Variants in SMIM24 observed in about 807,000 individuals in gnomAD.
SMIM24 encodes small integral membrane protein 24.
SMIM24 carries 6 observed loss-of-function variants against 10.8 expected under a neutral mutation model. The ratio of observed to expected loss-of-function variants is 0.55; its 90% CI spans 0.30 to 1.09. The LOEUF is 1.09. Among genes scored for constraint, SMIM24 ranks in the 50% least tolerant of loss-of-function variants. The probability of loss-of-function intolerance (pLI) is 0.06; values close to 1 mark genes in which losing one functional copy is unlikely to be tolerated. For synonymous variants in SMIM24, 71 were observed against 62.4 expected (o/e 1.14, Z -0.65); for missense variants, 151 against 153.4 (o/e 0.98, Z 0.08).
intron 3 of SMIM24, among the ~76,000 whole-genome samples, chr19:3,477,126 CAT>C (rs2082795715): frequency 1.7e-5 from 1 of 60,558 alleles, no homozygotes; most frequent in African/African-American, 6.1e-5. Context: ...ATGGATGGAT[CAT>C]GGATGGTCGG....
chr19:3,477,090 T>TGATGGATG (rs371713691), intron 3 of SMIM24, among the ~76,000 whole-genome samples: 23,536 of 95,284 alleles, frequency 0.25, 3,418 homozygotes, highest in East Asian at 0.61. Flanking sequence ...AATAGATGGG[T>TGATGGATG]GATGGATGGA....
At position 3,474,390 on chromosome 19, in the gene SMIM24, G is replaced by A. The variant is rs2082784443; in HGVS notation, c.*453C>T. 1 of 160,666 alleles carries A rather than the reference G, an allele frequency of 6.2e-6. No individual in the cohort carries two copies. The highest frequency in any genetic ancestry group is 5.9e-5 in the Admixed American group (1 of 16,866). The allele number at this position is 160,666 out of a possible 1,614,324, so 10.0% of individuals were successfully genotyped here. A position where few individuals can be genotyped will look rare whatever the true frequency, so the allele number is the denominator to read the frequency against. On this transcript the variant is annotated 3_prime_UTR_variant, in exon 4 of 4. Transcript: ENST00000215531. ...CCCAGAGGTAAACTGAGTCCCAAGAGATGACAGGAGCCCTTCCAAAGGGCT... is the reference window on the plus strand; with the variant it reads ...CCCAGAGGTAAACTGAGTCCCAAGAAATGACAGGAGCCCTTCCAAAGGGCT...
intron 3 of SMIM24, among the ~76,000 whole-genome samples, chr19:3,476,738 C>CTGGATGGA (rs35402201): frequency 8.8e-4 from 132 of 150,846 alleles, no homozygotes; most frequent in Middle Eastern, 3.5e-3. Context: ...GCCCCCAGCC[C>CTGGATGGA]TGGATGGATG....
intron 3 of SMIM24, among the ~76,000 whole-genome samples, chr19:3,475,506 A>C (rs745922672): frequency 2.1e-5 from 3 of 142,496 alleles, no homozygotes; most frequent in Non-Finnish European, 1.5e-5. Context: ...GTGGATGGCT[A>C]GGTGGGTGAG....
At chr19:3,478,636 G>A in intron 2 of SMIM24, 158 bp from the exon 3 acceptor site, 1 of 897,002 alleles carries the variant, frequency 1.1e-6, no homozygotes, top group Non-Finnish European at 1.7e-6. Context: ...CTGGCTCGTT[G>A]TCTTGGGGAG....
intron 3 of SMIM24, 51 bp downstream of exon 3, chr19:3,478,368 C>A: frequency 6.7e-7 from 1 of 1,500,142 alleles, no homozygotes; most frequent in Non-Finnish European, 9.0e-7. Flanking sequence ...ACCCATTCCC[C>A]CACCCCGAGG....
rs998155452 is a variant in SMIM24, at chr19:3,480,242, C to T, written c.67+155G>A. On this transcript the variant is annotated intron_variant, in intron 1 of 3. Transcript: ENST00000215531. ...GGGCAGAGCCCAGCGAGAGGGAGGC[C>T]GGGCGGTACTGCGGGGGTTGAGAAG... 3.3e-5 allele frequency among the ~76,000 whole-genome samples: 5 copies of T among 151,110 alleles called. No homozygotes were observed. The East Asian group carries it at 7.8e-4, about 24-fold the overall frequency.
Position 3,474,927 on chromosome 19 carries a change from T to C in SMIM24, c.309A>G (p.Ala103=), listed in dbSNP as rs2082786671. 6.4e-7 allele frequency: 1 copy of C among 1,551,728 alleles called. No individual in the cohort carries two copies. The highest frequency in any genetic ancestry group is 2.4e-5 in the East Asian group (1 of 40,922). ...GTCCCAAGTTGCTCTCTCCTTCCTT[T>C]GCTGTCTTTTTCTCCTTCTTCCTCT... The part of the protein sequence containing the change: ...EEKRKKEKKT[A]KEGESNLGLD... Residue 103 remains alanine (A), a synonymous_variant, in exon 4 of 4, where the codon GCA becomes GCG. Transcript: ENST00000215531.
Position 3,474,663 on chromosome 19 carries a change from G to A in SMIM24, c.*180C>T, listed in dbSNP as rs1304971137. On this transcript the variant is annotated 3_prime_UTR_variant, in exon 4 of 4. Transcript: ENST00000215531. The stretch of plus-strand genomic sequence containing the variant: ...AGGAAGAGGGGTGCATGAAAACCAT[G>A]TTTGCCCAGAGAGCCCCCAATGAGG... 9.9e-6 allele frequency: 7 copies of A among 710,030 alleles called. No homozygotes were observed. The highest frequency in any genetic ancestry group is 1.3e-5 in the Non-Finnish European group (6 of 452,882). 44.0% of individuals were successfully genotyped at this position (710,030 alleles called of 1,614,324 possible). A position where few individuals can be genotyped will look rare whatever the true frequency, so the allele number is the denominator to read the frequency against.
rs2082802534 is a variant in SMIM24, at chr19:3,478,465, C to A, written c.193G>T (p.Glu65Ter). The A allele has an allele frequency of 6.5e-7, 1 of 1,549,170 alleles. No individual in the cohort carries two copies. The highest frequency in any genetic ancestry group is 1.4e-5 in the African/African-American group (1 of 72,998). The change falls in exon 3 of 4, where the codon GAG (glutamate) becomes TAG (stop). Residue 65 changes from glutamate (E) to a stop codon, truncating the protein, a stop_gained. Coordinates refer to ENST00000215531, the MANE Select transcript of SMIM24 (RefSeq NM_001136503.2). LOFTEE classifies it low-confidence loss of function (END_TRUNC). ...GACTCCATTCTGAACGTGGTCTCCT[C>A]CTCGTCCTCAGCCCTGCAGAGATAA... Reference protein sequence around the residue: ...WCSKARAEDEEETTFRMESNL... With the variant: ...WCSKARAEDE
intron 1 of SMIM24, among the ~76,000 whole-genome samples, chr19:3,480,055 C>T (rs1306504941): frequency 1.4e-5 from 2 of 138,130 alleles, no homozygotes; most frequent in African/African-American, 5.5e-5. Context: ...TGAGAAGGAG[C>T]GGTTCACAAA....
chr19:3,478,926 G>A lies in SMIM24; in HGVS notation c.71C>T (p.Thr24Met). Residue 24 changes from threonine (T) to methionine (M), a missense_variant, in exon 2 of 4, where the codon ACG becomes ATG. Coordinates refer to ENST00000215531, the MANE Select transcript of SMIM24 (RefSeq NM_001136503.2). ...LLSPVEAQQATEHRLKPWLVG... is the reference protein window; with the variant it reads ...LLSPVEAQQAMEHRLKPWLVG... ...CAGCCACGGCTTCAGGCGATGCTCC[G>A]TGGCTGCAGGAAGTTGGGGAGGTTC... The A allele has an allele frequency of 3.9e-6, 6 of 1,549,588 alleles. No individual in the cohort carries two copies. Among genetic ancestry groups the A allele is most frequent in the Non-Finnish European group, 5.2e-6 (6 of 1,146,500 alleles).
Position 3,478,893 on chromosome 19 carries a change from A to G in SMIM24, c.104T>C (p.Leu35Pro), listed in dbSNP as rs1314404665. ...EHRLKPWLVG[L>P]AAVVGFLFIV... ...GAACAGGAAGCCGACTACCGCAGCC[A>G]GGCCCACCAGCCACGGCTTCAGGCG... Residue 35 changes from leucine (L) to proline (P), a missense_variant, in exon 2 of 4, where the codon CTG becomes CCG. Transcript: ENST00000215531. The G allele has an allele frequency of 6.5e-7, 1 of 1,549,890 alleles. No individual in the cohort carries two copies. Among genetic ancestry groups the G allele is most frequent in the Non-Finnish European group, 8.7e-7 (1 of 1,146,788 alleles).
At chr19:3,480,234 A>G (rs2240666) in intron 1 of SMIM24, among the ~76,000 whole-genome samples, 163 bp downstream of exon 1, 79,091 of 149,962 alleles carry the variant, frequency 0.53, 21,864 homozygotes, top group East Asian at 0.81. Flanking sequence ...GCCCAGCGAG[A>G]GGGAGGCCGG....
At chr19:3,478,216 T>C (rs1180817785) in intron 3 of SMIM24, among the ~76,000 whole-genome samples, 5 of 151,976 alleles carry the variant, frequency 3.3e-5, no homozygotes, top group African/African-American at 1.2e-4. Flanking sequence ...GGGGACAGTG[T>C]CAGGAAGGCT....
intron 1 of SMIM24, 44 bp downstream of exon 1, chr19:3,480,353 A>G: frequency 7.0e-7 from 1 of 1,426,140 alleles, no homozygotes; most frequent in Non-Finnish European, 9.4e-7. Context: ...CACCTGACCA[A>G]CTCCCCTATC....
intron 1 of SMIM24, among the ~76,000 whole-genome samples, chr19:3,479,679 G>A (rs906697109): frequency 3.7e-5 from 5 of 134,220 alleles, no homozygotes; most frequent in Admixed American, 7.8e-5. Context: ...GCTTACAGAG[G>A]AGGAAGAGGC....
At chr19:3,480,061 A>G (rs1029715244) in intron 1 of SMIM24, among the ~76,000 whole-genome samples, 3 of 151,128 alleles carry the variant, frequency 2.0e-5, no homozygotes, top group African/African-American at 7.3e-5. Flanking sequence ...GGAGCGGTTC[A>G]CAAAAGAGGC....
chr19:3,474,517 AAAG>A lies in SMIM24; in HGVS notation c.*323_*325del. On this transcript the variant is annotated 3_prime_UTR_variant, in exon 4 of 4. Transcript: ENST00000215531. ...GTTCAGTAGACATCAGGCAGAGAGA[AAAG>A]AAATCAGGCAGTGGGGAGAAGCAGG... The A allele has an allele frequency of 3.1e-6, 1 of 326,980 alleles. No individual in the cohort carries two copies. Among genetic ancestry groups the A allele is most frequent in the East Asian group, 5.8e-5 (1 of 17,116 alleles). The allele number at this position is 326,980 out of a possible 1,614,324, so 20.3% of individuals were successfully genotyped here. A position where few individuals can be genotyped will look rare whatever the true frequency, so the allele number is the denominator to read the frequency against.
Sources: gnomAD v4.1 joint callset for allele counts (sites outside exome capture counted in the v4.1 genomes callset) on GRCh38, gnomAD v4.1.1 for gene constraint, MANE v1.5 for transcripts, NCBI Gene and HGNC (gene_info 2026-07-23, HGNC 2026-07-21) for gene names.